The following L3MBTL4 variants were observed in gnomAD, a reference collection of about 807,000 sequenced individuals.
L3MBTL4 encodes the protein lethal(3)malignant brain tumor-like protein 4.
In L3MBTL4, 70 loss-of-function variants were observed where a neutral mutation model predicts 84.5. That is an observed-to-expected ratio of 0.83 (90% confidence interval 0.68 to 1.01). L3MBTL4 has a LOEUF of 1.01. L3MBTL4 is among the 50% of genes least tolerant of loss of function. The probability of loss-of-function intolerance (pLI) is 0.00; values close to 1 mark genes in which losing one functional copy is unlikely to be tolerated. For missense variants in L3MBTL4, 715 were observed against 754.8 expected, an observed-to-expected ratio of 0.95 and a Z score of 0.62; for synonymous variants, 274 against 259.8, an observed-to-expected ratio of 1.05 and a Z score of -0.52.
chr18:6,294,278 G>A (rs1374179092), intron 4 of L3MBTL4, among the ~76,000 whole-genome samples: 2 of 152,070 alleles, frequency 1.3e-5, no homozygotes, highest in African/African-American at 4.8e-5. Context: ...ACTCTGTGGC[G>A]CTAAGAGAGA....
intron 16 of L3MBTL4, chr18:6,031,375 G>A (rs1282018783): frequency 1.0e-6 from 1 of 985,314 alleles, no homozygotes; most frequent in Non-Finnish European, 1.2e-6. Flanking sequence ...GATAGCAAGA[G>A]AATGTATATG....
chr18:6,055,654 T>G (rs563540891), intron 16 of L3MBTL4, among the ~76,000 whole-genome samples: 1 of 152,318 alleles, frequency 6.6e-6, no homozygotes, highest in African/African-American at 2.4e-5. Context: ...GAAGTGATTT[T>G]AAAAACCATC....
rs377113279 is a variant in L3MBTL4 at position 6,031,471 on chromosome 18, G to C, written c.1444+49410C>G. 3.9e-4 allele frequency: 387 copies of C among 985,344 alleles called. 6 individuals are homozygous for C. The South Asian group carries it at 0.016, about 40-fold the overall frequency. The allele number at this position is 985,344 out of a possible 1,614,324, so 61.0% of individuals were successfully genotyped here. ...ATTCTTTGCCTCTTGAGAAATTCAG[G>C]GACCATCAGCATCTCATTTTTTTAA... On this transcript the variant is annotated intron_variant, in intron 16 of 18. Coordinates refer to ENST00000317931, the MANE Select transcript of L3MBTL4 (RefSeq NM_001330559.2).
chr18:6,212,986 A>G (rs563137390), intron 12 of L3MBTL4, among the ~76,000 whole-genome samples, 163 bp downstream of exon 12: 2 of 152,342 alleles, frequency 1.3e-5, no homozygotes. Context: ...CATCTTGGCC[A>G]GGGTCAATCT....
At chr18:6,374,761 A>G (rs1271860138) in intron 1 of L3MBTL4, among the ~76,000 whole-genome samples, 1 of 152,156 alleles carries the variant, frequency 6.6e-6, no homozygotes, top group East Asian at 1.9e-4. Context: ...AAAGCTGCCC[A>G]CTGAGACCAT....
chr18:6,031,371 AAGAGAATGT>A, intron 16 of L3MBTL4: 2 of 985,436 alleles, frequency 2.0e-6, no homozygotes, highest in Non-Finnish European at 2.4e-6. Flanking sequence ...TGTAGATAGC[AAGAGAATGT>A]ATATGAGGTG....
chr18:6,389,397 A>G (rs2054952622), intron 1 of L3MBTL4, among the ~76,000 whole-genome samples: 1 of 152,330 alleles, frequency 6.6e-6, no homozygotes, highest in African/African-American at 2.4e-5. Context: ...CAAAGAAAAC[A>G]AAGTAGCTAT....
At chr18:6,067,468 T>TATTTCTTGTACACTTTATTC (rs1398273791) in intron 16 of L3MBTL4, among the ~76,000 whole-genome samples, 1 of 152,198 alleles carries the variant, frequency 6.6e-6, no homozygotes, top group Non-Finnish European at 1.5e-5. Context: ...CATGATCCCA[T>TATTTCTTGTACACTTTATTC]ATTTCTTGTA....
At chr18:6,314,170 G>A (rs1018259409) in intron 1 of L3MBTL4, among the ~76,000 whole-genome samples, 8 of 152,008 alleles carry the variant, frequency 5.3e-5, no homozygotes, top group South Asian at 4.2e-4. Flanking sequence ...CTACTCAACC[G>A]AATAGGACAT....
At chr18:6,176,644 A>C (rs866115724) in intron 12 of L3MBTL4, among the ~76,000 whole-genome samples, 1 of 152,206 alleles carries the variant, frequency 6.6e-6, no homozygotes, top group Non-Finnish European at 1.5e-5. Flanking sequence ...ATATTGGAAT[A>C]TTCAAGGATT....
chr18:5,981,731 T>G (rs922379515), intron 16 of L3MBTL4, among the ~76,000 whole-genome samples: 1 of 151,954 alleles, frequency 6.6e-6, no homozygotes, highest in Non-Finnish European at 1.5e-5. Flanking sequence ...GTCCAGGAGT[T>G]TGAGGTTGCA....
chr18:6,240,440 T>G (rs1056802515), intron 8 of L3MBTL4, among the ~76,000 whole-genome samples: 5 of 150,824 alleles, frequency 3.3e-5, no homozygotes, highest in African/African-American at 7.3e-5. Flanking sequence ...TTTAAATTTA[T>G]AATTTTAAAA....
chr18:6,181,657 C>G (rs978480987), intron 12 of L3MBTL4, among the ~76,000 whole-genome samples: 1 of 152,092 alleles, frequency 6.6e-6, no homozygotes, highest in Non-Finnish European at 1.5e-5. Flanking sequence ...AATGCTCTGC[C>G]TCCTCCCACC....
chr18:6,129,250 G>C (rs2059796505), intron 14 of L3MBTL4, among the ~76,000 whole-genome samples: 1 of 152,046 alleles, frequency 6.6e-6, no homozygotes, highest in Non-Finnish European at 1.5e-5. Flanking sequence ...ATAATGCATG[G>C]ACCATCCAAA....
chr18:6,098,290 C>T (rs926179005), intron 14 of L3MBTL4, among the ~76,000 whole-genome samples: 5 of 152,238 alleles, frequency 3.3e-5, no homozygotes, highest in South Asian at 4.1e-4. Context: ...AGCCTGTGTG[C>T]GGCTACACCC....
At chr18:6,089,651 C>T (rs377680685) in intron 15 of L3MBTL4, among the ~76,000 whole-genome samples, 1 of 152,092 alleles carries the variant, frequency 6.6e-6, no homozygotes, top group African/African-American at 2.4e-5. Flanking sequence ...CTTTTAGATG[C>T]CTATGTTATA....
intron 4 of L3MBTL4, among the ~76,000 whole-genome samples, chr18:6,285,809 A>ACATTATTAT (rs1555716254): frequency 1.4e-5 from 2 of 143,232 alleles, no homozygotes; most frequent in African/African-American, 5.2e-5. Flanking sequence ...TTTAAAAGAT[A>ACATTATTAT]TATTATTATT....
chr18:6,003,174 TATAGAGATACTATATAAA>T (rs2054309403), intron 16 of L3MBTL4, among the ~76,000 whole-genome samples: 3 of 141,662 alleles, frequency 2.1e-5, no homozygotes, highest in African/African-American at 7.7e-5. Flanking sequence ...TATCTCTATT[TATAGAGATACTATATAAA>T]ATATAGTATC....
intron 13 of L3MBTL4, among the ~76,000 whole-genome samples, chr18:6,164,381 C>T (rs1212812879): frequency 6.6e-6 from 1 of 152,210 alleles, no homozygotes; most frequent in African/African-American, 2.4e-5. Context: ...CAGACTGCAT[C>T]CTCAAGTGGG....
Sources: gnomAD v4.1 joint callset for allele counts (sites outside exome capture counted in the v4.1 genomes callset) on GRCh38, gnomAD v4.1.1 for gene constraint, MANE v1.5 for transcripts, NCBI Gene and HGNC (gene_info 2026-07-23, HGNC 2026-07-21) for gene names.